ATP2B2: variants seen among roughly 807,000 people sequenced by gnomAD.
ATP2B2 encodes the protein plasma membrane calcium-transporting ATPase 2.
ATP2B2 carries 15 observed loss-of-function variants against 120.0 expected under a neutral mutation model. The ratio of observed to expected loss-of-function variants is 0.12; its 90% CI spans 0.08 to 0.19. ATP2B2 has a LOEUF of 0.19. Among genes scored for constraint, ATP2B2 ranks in the 10% least tolerant of loss-of-function variants. The pLI is 1.00. For missense variants in ATP2B2, 1,045 were observed against 1,719.8 expected (o/e 0.61, Z 6.94); for synonymous variants, 694 against 700.3 (o/e 0.99, Z 0.14).
intron 2 of ATP2B2, among the ~76,000 whole-genome samples, chr3:10,606,880 A>AACACACACACACACACACACAC (rs147614282): frequency 3.0e-5 from 3 of 100,096 alleles, no homozygotes; most frequent in African/African-American, 5.1e-5. Flanking sequence ...ACGGAGTCTA[A>AACACACACACACACACACACAC]ACACACACAC....
intron 1 of ATP2B2, among the ~76,000 whole-genome samples, chr3:10,452,526 T>A (rs1202053983): frequency 1.3e-5 from 2 of 152,170 alleles, no homozygotes; most frequent in African/African-American, 4.8e-5. Context: ...GTTTGGTGTA[T>A]GTTCAGGAAG....
At position 10,324,283 on chromosome 3, in the gene ATP2B2, C is replaced by T. The variant is rs1169393945; in HGVS notation, c.*4531G>A. ...AGAGTTAGCAAAGTGTGGTGACCCC[C>T]GAGAGGAAAGGTCCAGGAGGGAGAG... is the stretch of plus-strand genomic sequence containing the variant. On this transcript the variant is annotated 3_prime_UTR_variant, in exon 23 of 23. Transcript: ENST00000360273. 1 of 151,910 alleles carries T rather than the reference C, an allele frequency of 6.6e-6. No individual in the cohort carries two copies. Among genetic ancestry groups the T allele is most frequent in the African/African-American group, 2.4e-5 (1 of 41,304 alleles). 9.4% of individuals were successfully genotyped at this position (151,910 alleles called of 1,614,324 possible). A position where few individuals can be genotyped will look rare whatever the true frequency, so the allele number is the denominator to read the frequency against.
chr3:10,487,744 G>A (rs574608411), intron 1 of ATP2B2, among the ~76,000 whole-genome samples: 5 of 152,318 alleles, frequency 3.3e-5, no homozygotes, highest in East Asian at 1.9e-4. Context: ...TGGGAATCAC[G>A]AGCTTGGGCC....
chr3:10,519,409 A>G (rs1006112886), intron 3 of ATP2B2, among the ~76,000 whole-genome samples: 2 of 152,230 alleles, frequency 1.3e-5, no homozygotes, highest in African/African-American at 4.8e-5. Flanking sequence ...TAATGAGGGA[A>G]CAGAGCAAGA....
chr3:10,370,827 G>T (rs554594990), intron 12 of ATP2B2, among the ~76,000 whole-genome samples: 1 of 152,194 alleles, frequency 6.6e-6, no homozygotes. Context: ...AGGCAGAAAC[G>T]TTCTACATCT....
intron 1 of ATP2B2, among the ~76,000 whole-genome samples, chr3:10,460,417 C>T (rs1322807875): frequency 1.3e-5 from 2 of 152,156 alleles, no homozygotes; most frequent in African/African-American, 4.8e-5. Context: ...GGTGCTGACA[C>T]AGAGCAGGAT....
At position 10,394,963 on chromosome 3, in the gene ATP2B2, A is replaced by C. The variant is rs148733675; in HGVS notation, c.781+5990T>G. On this transcript the variant is annotated intron_variant, in intron 5 of 22. Transcript: ENST00000360273. ...TTACTACAAGGAGGCAGGCTCCTGC[A>C]TGGGGGCTACAGGAAGAGCCCAGAG... 1.1e-3 allele frequency among the ~76,000 whole-genome samples: 172 copies of C among 152,246 alleles called. 6 individuals carry two copies. The South Asian group carries it at 0.027, about 24-fold the overall frequency.
In ATP2B2 at chr3:10,635,243, TG is replaced by T. The variant is rs1377798207; in HGVS notation, c.-459-15283del. Among the ~76,000 whole-genome samples the T allele has an allele frequency of 1.3e-5, 2 of 152,174 alleles. No homozygotes were observed. Among genetic ancestry groups the T allele is most frequent in the Admixed American group, 6.5e-5 (1 of 15,286 alleles). On this transcript the variant is annotated intron_variant, in intron 1 of 21. Transcript: ENST00000646379. The surrounding 1 kb of genome is among the most constrained non-coding windows in gnomAD (Gnocchi z 4.3). ...ATGGCATCTCTCAATTTGGGGATGT[TG>T]GCAACTAATTCCAGTTTAAAACCCA...
intron 3 of ATP2B2, among the ~76,000 whole-genome samples, chr3:10,522,453 A>T (rs939351994): frequency 2.0e-5 from 3 of 152,080 alleles, no homozygotes; most frequent in Admixed American, 6.6e-5. Flanking sequence ...CATCATGCCT[A>T]TCTCCCTTCT....
chr3:10,481,743 G>C (rs1287069907), intron 1 of ATP2B2, among the ~76,000 whole-genome samples: 3 of 152,020 alleles, frequency 2.0e-5, no homozygotes, highest in Non-Finnish European at 4.4e-5. Context: ...CAGTAGAGAT[G>C]GGGTTTCACC....
intron 1 of ATP2B2, among the ~76,000 whole-genome samples, chr3:10,659,812 G>A (rs1459448632): frequency 6.6e-5 from 10 of 152,020 alleles, no homozygotes; most frequent in East Asian, 1.9e-4. Flanking sequence ...GCACCACATC[G>A]CACTTATTCC....
At chr3:10,556,472 C>T (rs562319935) in intron 2 of ATP2B2, among the ~76,000 whole-genome samples, 1 of 152,266 alleles carries the variant, frequency 6.6e-6, no homozygotes, top group South Asian at 2.1e-4. Flanking sequence ...AAGCACAAGG[C>T]AGGGCGAGTG....
chr3:10,558,677 C>G (rs1165502541), intron 2 of ATP2B2, among the ~76,000 whole-genome samples: 1 of 152,178 alleles, frequency 6.6e-6, no homozygotes, highest in East Asian at 1.9e-4. Context: ...CCCTTAAACC[C>G]CTTTGTGCTT....
chr3:10,614,660 TAG>T (rs1331914821), intron 2 of ATP2B2, among the ~76,000 whole-genome samples: 1 of 152,136 alleles, frequency 6.6e-6, no homozygotes, highest in Non-Finnish European at 1.5e-5. Flanking sequence ...TTGTTGTCTG[TAG>T]AGTGGGGATA....
intron 1 of ATP2B2, among the ~76,000 whole-genome samples, chr3:10,465,006 C>A (rs2064674647): frequency 6.6e-6 from 1 of 152,240 alleles, no homozygotes; most frequent in Non-Finnish European, 1.5e-5. Context: ...CATCCTTGGG[C>A]CAAATTTTCC....
chr3:10,686,414 G>A (rs2071525573), intron 1 of ATP2B2, among the ~76,000 whole-genome samples: 1 of 152,136 alleles, frequency 6.6e-6, no homozygotes, highest in South Asian at 2.1e-4. Flanking sequence ...CAGCACTTTG[G>A]GAGGCCGAGG....
intron 2 of ATP2B2, among the ~76,000 whole-genome samples, chr3:10,535,228 T>G (rs2067289278): frequency 6.6e-6 from 1 of 152,136 alleles, no homozygotes; most frequent in African/African-American, 2.4e-5. Context: ...TTATTTTAAA[T>G]AGTTATCGAT....
At chr3:10,396,847 A>G (rs1049257994) in intron 5 of ATP2B2, among the ~76,000 whole-genome samples, 15 of 151,644 alleles carry the variant, frequency 9.9e-5, no homozygotes, top group Admixed American at 9.8e-4. Flanking sequence ...GGCTATAATC[A>G]GAAAGGGGGG....
At chr3:10,345,263 G>T (rs950735617) in intron 18 of ATP2B2, 121 bp downstream of exon 18, 2 of 1,158,974 alleles carry the variant, frequency 1.7e-6, no homozygotes, top group African/African-American at 1.5e-5. Flanking sequence ...GTGCTCCATC[G>T]ATGGGTGCCT....
Sources: allele counts gnomAD v4.1 joint callset (sites outside exome capture counted in the v4.1 genomes callset), GRCh38; gene constraint gnomAD v4.1.1; non-coding constraint Gnocchi (gnomAD v3.1); transcripts MANE v1.5; gene names NCBI Gene and HGNC (gene_info 2026-07-23, HGNC 2026-07-21).